PTPRK: variants seen among roughly 807,000 people sequenced by gnomAD.
PTPRK encodes receptor-type tyrosine-protein phosphatase kappa.
PTPRK carries 75 observed loss-of-function variants against 178.0 expected under a neutral mutation model. The observed-to-expected ratio is 0.42, with a 90% CI of 0.35 to 0.51. The LOEUF is 0.51. Ranked by LOEUF, PTPRK falls within the 20% of genes least tolerant of loss-of-function variation. The pLI, the probability that PTPRK is intolerant of heterozygous loss-of-function variation, is 0.02. For missense variants in PTPRK, 1,441 were observed against 1,797.8 expected (o/e 0.80, Z 3.59); for synonymous variants, 637 against 620.6 (o/e 1.03, Z -0.39).
Position 128,165,265 on chromosome 6 carries a change from T to C in PTPRK, c.1162+19167A>G, listed in dbSNP as rs146088928. 3.3e-3 allele frequency among the ~76,000 whole-genome samples: 504 copies of C among 151,540 alleles called. 5 individuals are homozygous for C. The highest frequency in any genetic ancestry group is 0.011 in the African/African-American group (463 of 41,508). On this transcript the variant is annotated intron_variant, in intron 7 of 29. Coordinates refer to ENST00000368226, the MANE Select transcript of PTPRK (RefSeq NM_002844.4). ...TTTTGTTATATAAAAAAGAAATAAT[T>C]TTTATTAGGAAGTAATACATATAAA...
chr6:128,278,927 C>T (rs1365199342), intron 3 of PTPRK, among the ~76,000 whole-genome samples: 7 of 152,144 alleles, frequency 4.6e-5, no homozygotes, highest in Admixed American at 4.6e-4. Context: ...CACATTCAGA[C>T]ATCAAAAGAG....
At chr6:128,498,920 T>G (rs1855135703) in intron 1 of PTPRK, among the ~76,000 whole-genome samples, 1 of 152,232 alleles carries the variant, frequency 6.6e-6, no homozygotes, top group Admixed American at 6.5e-5. Context: ...TTGTTGTTGT[T>G]AAGTCTTGGA....
intron 3 of PTPRK, among the ~76,000 whole-genome samples, chr6:128,289,903 A>G (rs1266292972): frequency 1.3e-5 from 2 of 152,174 alleles, no homozygotes; most frequent in African/African-American, 4.8e-5. Context: ...ATAATGAAGT[A>G]TCTTTGCACT....
intron 3 of PTPRK, among the ~76,000 whole-genome samples, chr6:128,275,098 C>A (rs976232977): frequency 6.6e-6 from 1 of 151,988 alleles, no homozygotes; most frequent in African/African-American, 2.4e-5. Flanking sequence ...TAGCACTGTA[C>A]AACACACACT....
At chr6:128,153,648 C>T (rs1278230687) in intron 7 of PTPRK, among the ~76,000 whole-genome samples, 1 of 151,784 alleles carries the variant, frequency 6.6e-6, no homozygotes, top group Non-Finnish European at 1.5e-5. Flanking sequence ...AAATATACTG[C>T]CCTCCCCTTC....
At chr6:128,195,348 C>T (rs941559452) in intron 6 of PTPRK, among the ~76,000 whole-genome samples, 4 of 151,842 alleles carry the variant, frequency 2.6e-5, no homozygotes, top group Non-Finnish European at 4.4e-5. Flanking sequence ...TACCAAATAA[C>T]GAAGTCAATA....
intron 1 of PTPRK, among the ~76,000 whole-genome samples, chr6:128,415,086 C>G (rs1047250368): frequency 6.6e-6 from 1 of 151,986 alleles, no homozygotes; most frequent in African/African-American, 2.4e-5. Context: ...AATGACATCG[C>G]GGAATGAAGA....
At chr6:128,496,884 C>T (rs1854750938) in intron 1 of PTPRK, among the ~76,000 whole-genome samples, 1 of 152,108 alleles carries the variant, frequency 6.6e-6, no homozygotes, top group Admixed American at 6.5e-5. Flanking sequence ...TAATTTTTCT[C>T]ACAAAATCTT....
chr6:128,131,043 T>C (rs760739007), intron 7 of PTPRK, among the ~76,000 whole-genome samples: 4 of 152,196 alleles, frequency 2.6e-5, no homozygotes, highest in Admixed American at 6.5e-5. Flanking sequence ...TCAGACACCT[T>C]GTGCACCATT....
intron 2 of PTPRK, among the ~76,000 whole-genome samples, chr6:128,341,770 T>C (rs1245339155): frequency 6.6e-6 from 1 of 152,232 alleles, no homozygotes; most frequent in Non-Finnish European, 1.5e-5. Context: ...CATTTAAGTT[T>C]CAACTAGAAC....
intron 3 of PTPRK, among the ~76,000 whole-genome samples, chr6:128,265,754 G>C (rs1818845272): frequency 6.6e-6 from 1 of 152,150 alleles, no homozygotes; most frequent in African/African-American, 2.4e-5. Context: ...ACTTCTTAGT[G>C]TATTTTAGAG....
At chr6:128,037,551 T>A (rs1427516664) in intron 13 of PTPRK, among the ~76,000 whole-genome samples, 1 of 152,218 alleles carries the variant, frequency 6.6e-6, no homozygotes, top group Non-Finnish European at 1.5e-5. Flanking sequence ...ATTATTCACT[T>A]AACATCAAGA....
chr6:128,398,438 T>C (rs1840623551), intron 1 of PTPRK, among the ~76,000 whole-genome samples: 2 of 152,290 alleles, frequency 1.3e-5, no homozygotes, highest in South Asian at 4.1e-4. Context: ...TTAGGTTCCC[T>C]GCCTCCGGAC....
chr6:128,179,118 G>A (rs750695085), intron 7 of PTPRK, among the ~76,000 whole-genome samples: 4 of 151,884 alleles, frequency 2.6e-5, no homozygotes, highest in Non-Finnish European at 4.4e-5. Flanking sequence ...TAATGTTTAC[G>A]AGGAGGTAAA....
intron 3 of PTPRK, among the ~76,000 whole-genome samples, chr6:128,284,076 C>A (rs1474324232): frequency 6.6e-6 from 1 of 152,172 alleles, no homozygotes; most frequent in Non-Finnish European, 1.5e-5. Context: ...CTGGCATTCA[C>A]AGCTCTTCAC....
Position 127,995,448 on chromosome 6 carries a change from A to G in PTPRK, c.2844+14T>C, listed in dbSNP as rs1320294902. 3 of 1,555,384 alleles carry G rather than the reference A, an allele frequency of 1.9e-6. No individual in the cohort carries two copies. Among genetic ancestry groups the G allele is most frequent in the Non-Finnish European group, 1.8e-6 (2 of 1,133,942 alleles). On this transcript the variant is annotated intron_variant, in intron 18 of 29. Coordinates refer to ENST00000368226, the MANE Select transcript of PTPRK (RefSeq NM_002844.4). ...GCCAATAAAGTAGACATACTTAACTATAAAAATACTTACATCAATATAGTT... is the reference window on the plus strand; with the variant it reads ...GCCAATAAAGTAGACATACTTAACTGTAAAAATACTTACATCAATATAGTT...
At chr6:128,142,671 G>A (rs1583198583) in intron 7 of PTPRK, among the ~76,000 whole-genome samples, 1 of 151,784 alleles carries the variant, frequency 6.6e-6, no homozygotes, top group Non-Finnish European at 1.5e-5. Flanking sequence ...TAAAGAAGTG[G>A]ACTCAAGAAA....
intron 2 of PTPRK, among the ~76,000 whole-genome samples, chr6:128,392,402 C>T (rs1352067570): frequency 6.6e-6 from 1 of 152,120 alleles, no homozygotes; most frequent in Non-Finnish European, 1.5e-5. Flanking sequence ...CAAATAAGTT[C>T]TCTAGAGACT....
intron 6 of PTPRK, among the ~76,000 whole-genome samples, chr6:128,209,160 G>A (rs939054421): frequency 2.0e-5 from 3 of 151,556 alleles, no homozygotes; most frequent in Admixed American, 6.6e-5. Context: ...CCCTAAAAAC[G>A]CGCCATTTTC....
Sources: gnomAD v4.1 joint callset for allele counts (sites outside exome capture counted in the v4.1 genomes callset) on GRCh38, gnomAD v4.1.1 for gene constraint, MANE v1.5 for transcripts, NCBI Gene and HGNC (gene_info 2026-07-23, HGNC 2026-07-21) for gene names.